Variants in SNTG1 observed in about 807,000 individuals in gnomAD.
SNTG1 encodes the protein gamma-1-syntrophin.
SNTG1 carries 39 observed loss-of-function variants against 74.7 expected under a neutral mutation model. The observed-to-expected ratio is 0.52, with a 90% CI of 0.40 to 0.68. The LOEUF is 0.68. SNTG1 is among the 30% of genes least tolerant of loss of function. SNTG1 has a pLI of 0.00. For synonymous variants in SNTG1, 254 were observed against 217.1 expected (o/e 1.17, Z -1.49); for missense variants, 685 against 609.5 (o/e 1.12, Z -1.30).
At chr8:50,610,530 A>G (rs2094842518) in intron 13 of SNTG1, among the ~76,000 whole-genome samples, 1 of 152,106 alleles carries the variant, frequency 6.6e-6, no homozygotes, top group Non-Finnish European at 1.5e-5. Flanking sequence ...GTGTCTGACA[A>G]TTTCCCCAGT....
chr8:50,017,717 T>C (rs1816460112), intron 1 of SNTG1, among the ~76,000 whole-genome samples: 1 of 151,906 alleles, frequency 6.6e-6, no homozygotes, highest in Admixed American at 6.6e-5. Context: ...TATATGATTA[T>C]AAACATATAT....
intron 3 of SNTG1, among the ~76,000 whole-genome samples, chr8:50,396,497 A>T (rs1473926039): frequency 6.6e-6 from 1 of 152,236 alleles, no homozygotes; most frequent in Non-Finnish European, 1.5e-5. Flanking sequence ...GATAAGATGC[A>T]GTTTGAAGCA....
At chr8:50,465,281 C>A (rs1161454078) in intron 8 of SNTG1, among the ~76,000 whole-genome samples, 1 of 152,054 alleles carries the variant, frequency 6.6e-6, no homozygotes. Flanking sequence ...TCAGAATAAG[C>A]CACTCCACAA....
At chr8:50,566,275 G>A (rs1054400155) in intron 12 of SNTG1, among the ~76,000 whole-genome samples, 7 of 151,868 alleles carry the variant, frequency 4.6e-5, no homozygotes, top group Non-Finnish European at 8.8e-5. Flanking sequence ...TACAGATAGG[G>A]CAAATCTGCA....
intron 15 of SNTG1, among the ~76,000 whole-genome samples, chr8:50,673,507 G>A (rs2095295184): frequency 6.6e-6 from 1 of 152,120 alleles, no homozygotes; most frequent in Non-Finnish European, 1.5e-5. Flanking sequence ...GAATGCCTGT[G>A]ATTTTTGCAA....
chr8:50,261,856 A>G (rs956845258), intron 2 of SNTG1, among the ~76,000 whole-genome samples: 4 of 152,114 alleles, frequency 2.6e-5, no homozygotes, highest in African/African-American at 9.7e-5. Context: ...AAAAGAGTGG[A>G]GGATAAAAAG....
chr8:50,694,187 C>A lies in SNTG1; in HGVS notation c.1039-10413C>A, dbSNP rs1263237073. Among the ~76,000 whole-genome samples the A allele has an allele frequency of 4.6e-5, 7 of 150,566 alleles. No individual in the cohort carries two copies. The East Asian group carries it at 1.2e-3, about 25-fold the overall frequency. ...TTTTTGAAAAAATGTATCATATTCA[C>A]AACCTTTAGCTAAACTAAGAAAAAA... On this transcript the variant is annotated intron_variant, in intron 15 of 18. Coordinates refer to ENST00000642720, the MANE Select transcript of SNTG1 (RefSeq NM_018967.5).
chr8:50,214,346 C>T (rs2084672323), intron 2 of SNTG1, among the ~76,000 whole-genome samples: 1 of 150,948 alleles, frequency 6.6e-6, no homozygotes, highest in African/African-American at 2.4e-5. Context: ...CAGCATGGCA[C>T]ATGTATACAT....
At chr8:50,257,930 G>T (rs1191029993) in intron 2 of SNTG1, among the ~76,000 whole-genome samples, 3 of 152,208 alleles carry the variant, frequency 2.0e-5, no homozygotes. Flanking sequence ...ACCAATAGAG[G>T]CAGAGCAGCC....
At chr8:50,792,501 T>C (rs1291223243) in intron 18 of SNTG1, among the ~76,000 whole-genome samples, 170 bp from the exon 19 acceptor site, 1 of 151,936 alleles carries the variant, frequency 6.6e-6, no homozygotes, top group Non-Finnish European at 1.5e-5. Context: ...TTTCACTACT[T>C]ACGATGTTTA....
At chr8:50,286,024 T>C (rs979649872) in intron 2 of SNTG1, among the ~76,000 whole-genome samples, 3 of 152,180 alleles carry the variant, frequency 2.0e-5, no homozygotes, top group Non-Finnish European at 4.4e-5. Context: ...ACCCTTCTAT[T>C]CTACCATTTA....
At chr8:50,752,454 G>A (rs1032761440) in intron 18 of SNTG1, among the ~76,000 whole-genome samples, 1 of 151,590 alleles carries the variant, frequency 6.6e-6, no homozygotes, top group African/African-American at 2.4e-5. Context: ...GTAAAAATCT[G>A]ACTATATTTA....
At chr8:50,499,739 C>G (rs549223581) in intron 8 of SNTG1, among the ~76,000 whole-genome samples, 2 of 151,894 alleles carry the variant, frequency 1.3e-5, no homozygotes, top group East Asian at 3.9e-4. Context: ...AAGTGTTCAA[C>G]AGATATGAAT....
intron 1 of SNTG1, among the ~76,000 whole-genome samples, chr8:50,136,217 T>G (rs896428976): frequency 6.6e-6 from 1 of 152,158 alleles, no homozygotes; most frequent in South Asian, 2.1e-4. Context: ...GATGAACTTA[T>G]GTGTGCATGT....
At chr8:50,227,736 G>C (rs1401732545) in intron 2 of SNTG1, among the ~76,000 whole-genome samples, 3 of 143,768 alleles carry the variant, frequency 2.1e-5, no homozygotes, top group Non-Finnish European at 4.6e-5. Flanking sequence ...AAAGTCAAGG[G>C]AACAAGGATA....
intron 8 of SNTG1, among the ~76,000 whole-genome samples, chr8:50,490,212 C>T (rs1373231435): frequency 2.0e-5 from 3 of 152,138 alleles, no homozygotes. Context: ...CATGATGCCT[C>T]CAGCTTTGTT....
At chr8:49,951,701 A>T (rs150690771) in intron 1 of SNTG1, among the ~76,000 whole-genome samples, 15,748 of 151,210 alleles carry the variant, frequency 0.1, 1,152 homozygotes, top group South Asian at 0.2. Context: ...TGGCACATGT[A>T]TACATATGTA....
chr8:50,325,961 C>T (rs1330775604), intron 2 of SNTG1, among the ~76,000 whole-genome samples: 2 of 151,604 alleles, frequency 1.3e-5, no homozygotes, highest in Non-Finnish European at 1.5e-5. Context: ...TTTTATCATA[C>T]TTTTTTTTGT....
At chr8:49,938,610 TC>T (rs1808377584) in intron 1 of SNTG1, among the ~76,000 whole-genome samples, 25 of 102,528 alleles carry the variant, frequency 2.4e-4, no homozygotes, top group African/African-American at 6.5e-4. Context: ...TTCTTTTCTT[TC>T]TTTCTTTCTT....
Sources: gnomAD v4.1 joint callset for allele counts (sites outside exome capture counted in the v4.1 genomes callset) on GRCh38, gnomAD v4.1.1 for gene constraint, MANE v1.5 for transcripts, NCBI Gene and HGNC (gene_info 2026-07-23, HGNC 2026-07-21) for gene names.